Variants in ZNF799 observed in about 807,000 individuals in gnomAD.
ZNF799 encodes the protein zinc finger protein 14.
Under a neutral mutation model 41.0 loss-of-function variants are expected in ZNF799, and 28 were observed. The observed-to-expected ratio is 0.68, with a 90% CI of 0.51 to 0.94. The LOEUF is 0.94. ZNF799 is among the 40% of genes least tolerant of loss of function. The pLI is 0.00. For synonymous variants in ZNF799, 213 were observed against 252.9 expected (o/e 0.84, Z 1.50); for missense variants, 716 against 764.3 (o/e 0.94, Z 0.74).
chr19:12,394,537 A>C (rs1255115110), intron 1 of ZNF799: 1 of 970,582 alleles, frequency 1.0e-6, no homozygotes, highest in African/African-American at 1.8e-5. Flanking sequence ...TACAGAGAAT[A>C]TTTGGAAGCT....
chr19:12,392,144 C>G lies in ZNF799; in HGVS notation c.254G>C (p.Ser85Thr). 6.2e-7 allele frequency: 1 copy of G among 1,609,736 alleles called. No homozygotes were observed. ...GGTCACAATACTATCTTGAATCTGG[C>G]TAGATGTTTCTCCACATTGAGTTCC... is the stretch of plus-strand genomic sequence containing the variant. ...KDGTQCGETSSQIQDSIVTKN... is the reference protein window; with the variant it reads ...KDGTQCGETSTQIQDSIVTKN... The change falls in exon 4 of 4, where the codon AGC becomes ACC. Residue 85 changes from serine (S) to threonine (T), a missense_variant. Around this residue, in one of 2 missense-constraint regions of ZNF799, gnomAD observed 698 missense variants for 713.6 expected, o/e 0.98. Transcript: ENST00000430385.
chr19:12,414,802 T>C, the ZNF799 span, among the ~76,000 whole-genome samples: 1 of 151,492 alleles, frequency 6.6e-6, no homozygotes, highest in African/African-American at 2.4e-5. Flanking sequence ...TTTCAGGAGG[T>C]CAAACAGATT....
chr19:12,411,472 AGGGAC>A, the ZNF799 span, among the ~76,000 whole-genome samples: 1 of 152,174 alleles, frequency 6.6e-6, no homozygotes, highest in Non-Finnish European at 1.5e-5. Flanking sequence ...CACAAAAGAC[AGGGAC>A]AAATGGTTAT....
the ZNF799 span, among the ~76,000 whole-genome samples, chr19:12,407,637 A>G: frequency 6.6e-6 from 1 of 152,200 alleles, no homozygotes; most frequent in African/African-American, 2.4e-5. Flanking sequence ...TTCCTATCTG[A>G]TGTAATAGAT....
the ZNF799 span, among the ~76,000 whole-genome samples, chr19:12,408,982 C>T: frequency 6.6e-6 from 1 of 151,946 alleles, no homozygotes; most frequent in Non-Finnish European, 1.5e-5. Flanking sequence ...TTGCAGTGAG[C>T]CGAGATCGCG....
chr19:12,408,851 T>C, the ZNF799 span, among the ~76,000 whole-genome samples: 1 of 152,158 alleles, frequency 6.6e-6, no homozygotes, highest in Admixed American at 6.5e-5. Context: ...GTGGCCAACA[T>C]AGTGAAACCC....
upstream of ZNF799, among the ~76,000 whole-genome samples, chr19:12,404,178 T>A (rs1449697771): frequency 6.6e-6 from 1 of 152,226 alleles, no homozygotes; most frequent in East Asian, 1.9e-4. Flanking sequence ...ATATGGTCTA[T>A]CCTTGAGAAT....
chr19:12,392,520 A>T, intron 3 of ZNF799, 83 bp downstream of exon 3: 1 of 1,340,804 alleles, frequency 7.5e-7, no homozygotes, highest in Non-Finnish European at 1.0e-6. Flanking sequence ...AGGCTTGTTC[A>T]TTTTCTTTGC....
At position 12,390,184 on chromosome 19, in the gene ZNF799, T is replaced by G; in HGVS notation, c.*282A>C. ...ATAGCTTTTACAATGCATGAGGTATTTTAAGTAATCTAGACATAATTGAGA... is the reference window on the plus strand; with the variant it reads ...ATAGCTTTTACAATGCATGAGGTATGTTAAGTAATCTAGACATAATTGAGA... On this transcript the variant is annotated 3_prime_UTR_variant, in exon 4 of 4. Coordinates refer to ENST00000430385, the MANE Select transcript of ZNF799 (RefSeq NM_001080821.3). The G allele has an allele frequency of 1.7e-6, 1 of 576,046 alleles. No individual in the cohort carries two copies. The highest frequency in any genetic ancestry group is 3.0e-6 in the Non-Finnish European group (1 of 333,082). The allele number at this position is 576,046 out of a possible 1,614,324, so 35.7% of individuals were successfully genotyped here.
chr19:12,396,581 G>A (rs551190700), intron 1 of ZNF799, among the ~76,000 whole-genome samples: 1 of 152,278 alleles, frequency 6.6e-6, no homozygotes, highest in East Asian at 1.9e-4. Flanking sequence ...CCCAGGACGT[G>A]GAGGTTGCAG....
chr19:12,401,361 A>G (rs1202878446), upstream of ZNF799: 1 of 857,708 alleles, frequency 1.2e-6, no homozygotes, highest in Non-Finnish European at 1.7e-6. Flanking sequence ...GCGATCTTGC[A>G]CAGCTGAGTG....
intron 3 of ZNF799, among the ~76,000 whole-genome samples, 179 bp downstream of exon 3, chr19:12,392,424 G>A (rs918929929): frequency 6.6e-6 from 1 of 152,134 alleles, no homozygotes; most frequent in African/African-American, 2.4e-5. Flanking sequence ...GTTGTCATGG[G>A]AACTAATTTA....
At chr19:12,394,292 T>C (rs1969865213) in intron 1 of ZNF799, 1 of 152,634 alleles carries the variant, frequency 6.6e-6, no homozygotes, top group African/African-American at 2.4e-5. Flanking sequence ...TCTCACCAGA[T>C]GCCCAGCCTT....
intron 1 of ZNF799, chr19:12,400,472 G>A (rs1479459109): frequency 3.9e-5 from 6 of 153,534 alleles, no homozygotes; most frequent in African/African-American, 1.4e-4. Flanking sequence ...TTGTGCCTGG[G>A]GATAAGATCT....
At chr19:12,398,849 T>A (rs1180642581) in intron 1 of ZNF799, among the ~76,000 whole-genome samples, 1 of 151,942 alleles carries the variant, frequency 6.6e-6, no homozygotes, top group East Asian at 1.9e-4. Flanking sequence ...TCTGAAATCA[T>A]CCAAAAAACA....
Position 12,390,764 on chromosome 19 carries a change from G to A in ZNF799, c.1634C>T (p.Thr545Ile), listed in dbSNP as rs888235262. ...AATTCTTTCATGTCGTAGAAAGCAAGTGAGCCAAGAGAATGCTTTCCCACA... is the reference window on the plus strand; with the variant it reads ...AATTCTTTCATGTCGTAGAAAGCAAATGAGCCAAGAGAATGCTTTCCCACA... ...KECGKAFSWLTCFLRHERIHM... is the reference protein window; with the variant it reads ...KECGKAFSWLICFLRHERIHM... Residue 545 changes from threonine (T) to isoleucine (I), a missense_variant, in exon 4 of 4, where the codon ACT becomes ATT. Transcript: ENST00000430385. The A allele has an allele frequency of 3.1e-6, 5 of 1,613,184 alleles. No individual in the cohort carries two copies. Among genetic ancestry groups the A allele is most frequent in the Non-Finnish European group, 3.4e-6 (4 of 1,179,748 alleles).
Position 12,392,224 on chromosome 19 carries a change from T to C in ZNF799, c.192-18A>G. 1.3e-6 allele frequency: 2 copies of C among 1,537,092 alleles called. No homozygotes were observed. The highest frequency in any genetic ancestry group is 1.8e-4 in the Middle Eastern group (1 of 5,684). ...TACGACATCTGTAAAAAATGGGAAA[T>C]ATATCACTAAAAGTCGGTCTATAAA... On this transcript the variant is annotated intron_variant, in intron 3 of 3. Coordinates refer to ENST00000430385, the MANE Select transcript of ZNF799 (RefSeq NM_001080821.3).
Position 12,390,872 on chromosome 19 carries a change from CAT to C in ZNF799, c.1524_1525del (p.Cys509Ter), listed in dbSNP as rs1036982424. ...ACCAAAATGACTGAAGGCTTTCTTA[CAT>C]GTGTTACACTCATAAGGTTTCTCTC... On this transcript the variant is annotated frameshift_variant, in exon 4 of 4. Transcript: ENST00000430385. LOFTEE classifies it high-confidence loss of function. The C allele has an allele frequency of 6.2e-7, 1 of 1,613,980 alleles. No homozygotes were observed. Among genetic ancestry groups the C allele is most frequent in the African/African-American group, 1.3e-5 (1 of 74,928 alleles).
intron 2 of ZNF799, 131 bp from the exon 3 acceptor site, chr19:12,392,794 T>C (rs1969844550): frequency 1.5e-6 from 1 of 652,792 alleles, no homozygotes; most frequent in Non-Finnish European, 2.7e-6. Flanking sequence ...AAAACAGAGG[T>C]TTGAACTGCA....
Sources: allele counts gnomAD v4.1 joint callset (sites outside exome capture counted in the v4.1 genomes callset), GRCh38; gene constraint gnomAD v4.1.1; regional missense constraint gnomAD v4.1.1; transcripts MANE v1.5; gene names NCBI Gene and HGNC (gene_info 2026-07-23, HGNC 2026-07-21).